FBXL17: variants seen among roughly 807,000 people sequenced by gnomAD.
The protein encoded by FBXL17 is F-box/LRR-repeat protein 17.
In FBXL17, 22 loss-of-function variants were observed where a neutral mutation model predicts 66.2. The observed-to-expected ratio is 0.33, with a 90% CI of 0.24 to 0.47. The LOEUF is 0.47. Among genes scored for constraint, FBXL17 ranks in the 20% least tolerant of loss-of-function variants. The pLI, the probability that FBXL17 is intolerant of heterozygous loss-of-function variation, is 1.00. For synonymous variants in FBXL17, 474 were observed against 400.5 expected (o/e 1.18, Z -2.19); for missense variants, 878 against 948.2 (o/e 0.93, Z 0.97).
At chr5:108,074,040 T>C (rs1226169315) in intron 6 of FBXL17, among the ~76,000 whole-genome samples, 1 of 152,216 alleles carries the variant, frequency 6.6e-6, no homozygotes, top group African/African-American at 2.4e-5. Context: ...TATAACCTGA[T>C]TTACCACCAT....
At chr5:107,929,923 G>A (rs1750674236) in intron 7 of FBXL17, among the ~76,000 whole-genome samples, 1 of 152,156 alleles carries the variant, frequency 6.6e-6, no homozygotes, top group African/African-American at 2.4e-5. Context: ...TATAGTCTTT[G>A]TGAAAATGAT....
intron 6 of FBXL17, among the ~76,000 whole-genome samples, chr5:108,078,822 T>A (rs185757930): frequency 6.6e-6 from 1 of 152,332 alleles, no homozygotes; most frequent in African/African-American, 2.4e-5. Context: ...TATATAAGCT[T>A]CTGTACTCCA....
At chr5:108,146,101 G>A (rs286800) in intron 6 of FBXL17, among the ~76,000 whole-genome samples, 7,697 of 151,898 alleles carry the variant, frequency 0.051, 650 homozygotes, top group African/African-American at 0.18. Flanking sequence ...GCGTGATAGC[G>A]GGCACCTGCA....
At chr5:108,082,245 T>A (rs1260451041) in intron 6 of FBXL17, among the ~76,000 whole-genome samples, 2 of 151,642 alleles carry the variant, frequency 1.3e-5, no homozygotes, top group Non-Finnish European at 2.9e-5. Flanking sequence ...AATGCTGTAA[T>A]GTGGAAAGAG....
At chr5:107,922,043 C>T (rs1750341111) in intron 7 of FBXL17, among the ~76,000 whole-genome samples, 1 of 152,158 alleles carries the variant, frequency 6.6e-6, no homozygotes, top group Non-Finnish European at 1.5e-5. Flanking sequence ...TTGGGAAAGA[C>T]AGAGAGAGGC....
At chr5:108,313,078 CCTT>C (rs1371761139) in intron 4 of FBXL17, among the ~76,000 whole-genome samples, 1 of 152,124 alleles carries the variant, frequency 6.6e-6, no homozygotes, top group Non-Finnish European at 1.5e-5. Flanking sequence ...TTTTATTTCT[CCTT>C]CTAACTTCTG....
chr5:107,936,600 T>C (rs1290249884), intron 7 of FBXL17, among the ~76,000 whole-genome samples: 1 of 151,920 alleles, frequency 6.6e-6, no homozygotes, highest in African/African-American at 2.4e-5. Flanking sequence ...GAATGACTGA[T>C]GTGTTACACA....
At chr5:107,887,689 C>T (rs532363468) in intron 7 of FBXL17, among the ~76,000 whole-genome samples, 3 of 152,158 alleles carry the variant, frequency 2.0e-5, no homozygotes, top group Non-Finnish European at 2.9e-5. Flanking sequence ...ATGGTCCCTG[C>T]GAAGGCTCCC....
chr5:108,170,753 C>T (rs1752578502), intron 6 of FBXL17, among the ~76,000 whole-genome samples: 1 of 152,134 alleles, frequency 6.6e-6, no homozygotes, highest in African/African-American at 2.4e-5. Context: ...AGGCTGGTTT[C>T]AAACTCCCGA....
intron 6 of FBXL17, among the ~76,000 whole-genome samples, chr5:108,155,401 G>C (rs12652306): frequency 0.12 from 17,966 of 152,074 alleles, 1,265 homozygotes; most frequent in East Asian, 0.16. Flanking sequence ...TGTAATCCCA[G>C]CTACTCAGGA....
At chr5:108,284,529 T>C (rs1313603386) in intron 4 of FBXL17, among the ~76,000 whole-genome samples, 1 of 151,662 alleles carries the variant, frequency 6.6e-6, no homozygotes, top group Non-Finnish European at 1.5e-5. Context: ...TGTGGAACAA[T>C]AGATAAGGAA....
At chr5:108,019,749 A>G (rs1754517539) in intron 7 of FBXL17, among the ~76,000 whole-genome samples, 1 of 152,034 alleles carries the variant, frequency 6.6e-6, no homozygotes, top group African/African-American at 2.4e-5. Flanking sequence ...AAGAAGTTTT[A>G]GAGAGATAAC....
intron 7 of FBXL17, among the ~76,000 whole-genome samples, chr5:107,911,474 C>G (rs534504294): frequency 1.2e-4 from 18 of 152,174 alleles, no homozygotes; most frequent in African/African-American, 3.6e-4. Flanking sequence ...ATAGAAAACA[C>G]TTATGTGGTG....
At position 108,380,927 on chromosome 5, in the gene FBXL17, C is replaced by T. The variant is rs1749827241; in HGVS notation, c.765G>A (p.Pro255=). 3.3e-6 allele frequency: 4 copies of T among 1,222,456 alleles called. No individual in the cohort carries two copies. The highest frequency in any genetic ancestry group is 4.1e-6 in the Non-Finnish European group (4 of 979,236). The allele number at this position is 1,222,456 out of a possible 1,614,324, so 75.7% of individuals were successfully genotyped here. A position where few individuals can be genotyped will look rare whatever the true frequency, so the allele number is the denominator to read the frequency against. The change falls in exon 1 of 9, where the codon CCG becomes CCA. Residue 255 remains proline, a synonymous_variant. Coordinates refer to ENST00000542267, the MANE Select transcript of FBXL17 (RefSeq NM_001163315.3). ...AGCCQAPEQP[P]QPLCPPPSSP... is the part of the protein sequence containing the mutation. ...AAGAGGGCGGAGGGCAGAGCGGCTG[C>T]GGGGGCTGCTCCGGGGCCTGGCAGC...
chr5:107,876,973 C>T (rs1405343140), intron 8 of FBXL17, among the ~76,000 whole-genome samples: 3 of 152,118 alleles, frequency 2.0e-5, no homozygotes, highest in East Asian at 1.9e-4. Flanking sequence ...TAGGTGATTT[C>T]GGGTCAACTC....
At chr5:108,027,980 T>C (rs950230743) in intron 6 of FBXL17, among the ~76,000 whole-genome samples, 2 of 152,112 alleles carry the variant, frequency 1.3e-5, no homozygotes, top group African/African-American at 2.4e-5. Flanking sequence ...AATTTTGATA[T>C]AGTTAAGACT....
intron 6 of FBXL17, among the ~76,000 whole-genome samples, chr5:108,147,213 CAG>C (rs1356550085): frequency 1.3e-5 from 2 of 152,140 alleles, no homozygotes; most frequent in Admixed American, 6.5e-5. Context: ...AGCAAGAACT[CAG>C]AGTTTTCCCA....
chr5:108,310,208 A>T (rs563064431), intron 4 of FBXL17, among the ~76,000 whole-genome samples: 1 of 152,172 alleles, frequency 6.6e-6, no homozygotes, highest in Non-Finnish European at 1.5e-5. Flanking sequence ...CTCACAAAAC[A>T]TGTAAGACCT....
At chr5:107,893,157 C>A (rs1388990817) in intron 7 of FBXL17, among the ~76,000 whole-genome samples, 2 of 151,976 alleles carry the variant, frequency 1.3e-5, no homozygotes, top group Admixed American at 6.6e-5. Context: ...AAAAAGAAAG[C>A]ACAAGAGGAA....
Sources: gnomAD v4.1 joint callset for allele counts (sites outside exome capture counted in the v4.1 genomes callset) on GRCh38, gnomAD v4.1.1 for gene constraint, MANE v1.5 for transcripts, NCBI Gene and HGNC (gene_info 2026-07-23, HGNC 2026-07-21) for gene names.